LRBA: variants seen among roughly 807,000 people sequenced by gnomAD.
LRBA encodes the protein LPS responsive beige-like anchor protein.
LRBA carries 176 observed loss-of-function variants against 330.0 expected under a neutral mutation model. That is an observed-to-expected ratio of 0.53 (90% CI 0.47 to 0.60). The LOEUF (loss-of-function observed/expected upper bound fraction) is 0.60. LRBA is among the 20% of genes least tolerant of loss of function. The probability of loss-of-function intolerance (pLI) is 0.00; values close to 1 mark genes in which losing one functional copy is unlikely to be tolerated. For synonymous variants in LRBA, 1,230 were observed against 1,193.0 expected (o/e 1.03, Z -0.64); for missense variants, 3,259 against 3,444.8 (o/e 0.95, Z 1.35).
chr4:150,849,508 T>C lies in LRBA; in HGVS notation c.4072A>G (p.Ile1358Val), dbSNP rs1278422127. 1 of 1,613,198 alleles carries C rather than the reference T, an allele frequency of 6.2e-7. No homozygotes were observed. The highest frequency in any genetic ancestry group is 8.5e-7 in the Non-Finnish European group (1 of 1,179,134). Residue 1358 changes from isoleucine (I) to valine (V), a missense_variant, in exon 25 of 57, where the codon ATT (isoleucine) becomes GTT (valine). Coordinates refer to ENST00000651943, the MANE Select transcript of LRBA (RefSeq NM_001364905.1). ...SDNVIFVHNT[I>V]HLISQVMDNM... ...TCCATCACTTGAGAGATGAGATGAA[T>C]TGTGTTGTGTACAAAGATGACATTA...
Position 150,597,250 on chromosome 4 carries a change from A to C in LRBA, c.6046+1757T>G, listed in dbSNP as rs539272363. The stretch of plus-strand genomic sequence containing the variant: ...ATGTTAATAAATTCTTTTTTGTCAA[A>C]CTTTAATGCAGATGCTTAGCATTAA... On this transcript the variant is annotated intron_variant, in intron 38 of 56. Coordinates refer to ENST00000651943, the MANE Select transcript of LRBA (RefSeq NM_001364905.1). The C allele has an allele frequency of 7.5e-6, 3 of 401,548 alleles. No homozygotes were observed. The East Asian group carries it at 1.1e-4, about 15-fold the overall frequency. 24.9% of individuals were successfully genotyped at this position (401,548 alleles called of 1,614,324 possible).
At chr4:150,613,054 A>C (rs559152000) in intron 37 of LRBA, among the ~76,000 whole-genome samples, 9 of 152,232 alleles carry the variant, frequency 5.9e-5, no homozygotes, top group Admixed American at 2.6e-4. Flanking sequence ...AGCCGGTCCA[A>C]TAGAAAATGA....
At chr4:150,710,435 C>T (rs930837182) in intron 36 of LRBA, among the ~76,000 whole-genome samples, 2 of 151,428 alleles carry the variant, frequency 1.3e-5, no homozygotes, top group African/African-American at 4.9e-5. Context: ...GTTTGAAGCT[C>T]GGAAAAGAAG....
intron 44 of LRBA, among the ~76,000 whole-genome samples, chr4:150,465,234 C>T (rs546484097): frequency 1.6e-4 from 24 of 152,174 alleles, no homozygotes; most frequent in Admixed American, 2.6e-4. Flanking sequence ...GTCAGAGCTT[C>T]CTTCCTTTTT....
At chr4:150,582,563 G>T in intron 40 of LRBA, 1 of 162,968 alleles carries the variant, frequency 6.1e-6, no homozygotes, top group Non-Finnish European at 1.4e-5. Context: ...ATGAACCACT[G>T]AATGTTTCGC....
intron 47 of LRBA, among the ~76,000 whole-genome samples, chr4:150,414,211 G>C (rs1747405949): frequency 6.6e-6 from 1 of 152,138 alleles, no homozygotes; most frequent in African/African-American, 2.4e-5. Flanking sequence ...CAATGTGATT[G>C]ATAAAGGATT....
At chr4:150,586,684 T>A (rs1772156277) in intron 40 of LRBA, among the ~76,000 whole-genome samples, 1 of 152,146 alleles carries the variant, frequency 6.6e-6, no homozygotes, top group African/African-American at 2.4e-5. Context: ...ACAAAACTTG[T>A]AACTTCTCTA....
In LRBA at chr4:150,870,615, G is replaced by A. The variant is rs1460868866; in HGVS notation, c.2368-9C>T. 2 of 1,303,172 alleles carry A rather than the reference G, an allele frequency of 1.5e-6. No homozygotes were observed. Among genetic ancestry groups the A allele is most frequent in the Admixed American group, 1.7e-5 (1 of 58,450 alleles). 80.7% of individuals were successfully genotyped at this position (1,303,172 alleles called of 1,614,324 possible). A position where few individuals can be genotyped will look rare whatever the true frequency, so the allele number is the denominator to read the frequency against. On this transcript the variant is annotated splice_polypyrimidine_tract_variant and intron_variant, in intron 19 of 56. Transcript: ENST00000651943. ...ATCTGTTCTATAAGAATCTACAGAA[G>A]TAAAACAATGGATTACATTAGCAAA...
At chr4:150,630,383 T>C (rs1777259580) in intron 37 of LRBA, among the ~76,000 whole-genome samples, 1 of 151,432 alleles carries the variant, frequency 6.6e-6, no homozygotes, top group African/African-American at 2.4e-5. Flanking sequence ...AGGGGATACA[T>C]AACATAATTC....
chr4:150,737,512 GAAAGAAAAGAAA>G (rs1731346900), intron 35 of LRBA, among the ~76,000 whole-genome samples: 1 of 78,992 alleles, frequency 1.3e-5, no homozygotes, highest in South Asian at 4.2e-4. Context: ...AGAGAGAAAG[GAAAGAAAAGAAA>G]AAAGAAAAGA....
At chr4:150,941,791 G>A (rs895482023) in intron 2 of LRBA, among the ~76,000 whole-genome samples, 3 of 151,866 alleles carry the variant, frequency 2.0e-5, no homozygotes, top group Non-Finnish European at 4.4e-5. Flanking sequence ...AGAAACTGAG[G>A]CAGGAGAATC....
intron 47 of LRBA, among the ~76,000 whole-genome samples, chr4:150,391,991 A>G (rs1744031198): frequency 6.6e-6 from 1 of 151,816 alleles, no homozygotes; most frequent in South Asian, 2.1e-4. Context: ...AAAAAAAAAA[A>G]AAAAAAACTT....
At chr4:150,775,224 A>G (rs1045407914) in intron 34 of LRBA, among the ~76,000 whole-genome samples, 2 of 152,174 alleles carry the variant, frequency 1.3e-5, no homozygotes, top group African/African-American at 4.8e-5. Context: ...CCCTTTAAAA[A>G]TTTATTTCTC....
At chr4:150,573,578 T>G (rs535706698) in intron 40 of LRBA, among the ~76,000 whole-genome samples, 1 of 152,300 alleles carries the variant, frequency 6.6e-6, no homozygotes, top group East Asian at 1.9e-4. Context: ...TAGATCTCAA[T>G]ATGCTATCTT....
chr4:150,549,309 C>CTTTATTTTAT (rs146271128), intron 40 of LRBA, among the ~76,000 whole-genome samples: 1 of 150,868 alleles, frequency 6.6e-6, no homozygotes, highest in South Asian at 2.1e-4. Flanking sequence ...ATAATTGTTG[C>CTTTATTTTAT]TTTATTTTAT....
At chr4:150,757,209 A>T (rs1017537424) in intron 35 of LRBA, among the ~76,000 whole-genome samples, 1 of 152,186 alleles carries the variant, frequency 6.6e-6, no homozygotes, top group East Asian at 1.9e-4. Flanking sequence ...TTACCAAAAC[A>T]ATGTATTTAA....
At chr4:150,625,182 T>C (rs984770435) in intron 37 of LRBA, among the ~76,000 whole-genome samples, 20 of 152,200 alleles carry the variant, frequency 1.3e-4, no homozygotes, top group Admixed American at 1.2e-3. Context: ...AAGTATGGAA[T>C]GTGTCGAAAT....
At chr4:150,934,113 C>T (rs778526772) in intron 2 of LRBA, among the ~76,000 whole-genome samples, 4 of 151,848 alleles carry the variant, frequency 2.6e-5, no homozygotes, top group Non-Finnish European at 5.9e-5. Flanking sequence ...TTAATACAAA[C>T]GTTTGGGATT....
At chr4:150,777,239 A>G (rs1737507125) in intron 34 of LRBA, among the ~76,000 whole-genome samples, 1 of 152,132 alleles carries the variant, frequency 6.6e-6, no homozygotes. Flanking sequence ...GAATATTGGT[A>G]TGAGCCACTG....
Sources: allele counts gnomAD v4.1 joint callset (sites outside exome capture counted in the v4.1 genomes callset), GRCh38; gene constraint gnomAD v4.1.1; transcripts MANE v1.5; gene names NCBI Gene and HGNC (gene_info 2026-07-23, HGNC 2026-07-21).